The following TMEM132D variants were observed in gnomAD, a reference collection of about 807,000 sequenced individuals.
TMEM132D encodes the protein mature OL transmembrane protein.
TMEM132D carries 21 observed loss-of-function variants against 62.3 expected under a neutral mutation model. The ratio of observed to expected loss-of-function variants is 0.34; its 90% CI spans 0.24 to 0.49. The LOEUF (loss-of-function observed/expected upper bound fraction) is 0.49. Among genes scored for constraint, TMEM132D ranks in the 20% least tolerant of loss-of-function variants. The pLI, the probability that TMEM132D is intolerant of heterozygous loss-of-function variation, is 0.99. For missense variants in TMEM132D, 1,346 were observed against 1,402.8 expected (o/e 0.96, Z 0.65); for synonymous variants, 621 against 575.6 (o/e 1.08, Z -1.13).
At chr12:129,215,687 CTT>C (rs1879180959) in intron 4 of TMEM132D, among the ~76,000 whole-genome samples, 1 of 152,250 alleles carries the variant, frequency 6.6e-6, no homozygotes, top group Middle Eastern at 3.4e-3. Flanking sequence ...GGGACTCTCT[CTT>C]GGATTGTGCA....
chr12:129,845,875 C>T (rs1873346882), intron 1 of TMEM132D, among the ~76,000 whole-genome samples: 1 of 152,210 alleles, frequency 6.6e-6, no homozygotes, highest in Non-Finnish European at 1.5e-5. Context: ...CCCAGAGCAG[C>T]AACTCAGAGG....
intron 4 of TMEM132D, among the ~76,000 whole-genome samples, chr12:129,290,392 G>T (rs528960887): frequency 6.6e-6 from 1 of 152,002 alleles, no homozygotes; most frequent in African/African-American, 2.4e-5. Flanking sequence ...ACAGGTTATC[G>T]AAGCATAACC....
At chr12:129,328,977 G>C (rs922974877) in intron 4 of TMEM132D, among the ~76,000 whole-genome samples, 2 of 147,562 alleles carry the variant, frequency 1.4e-5, no homozygotes, top group South Asian at 2.1e-4. Context: ...TATATATAAA[G>C]AATTTATATA....
At chr12:129,272,133 T>C (rs941037137) in intron 4 of TMEM132D, among the ~76,000 whole-genome samples, 1 of 151,808 alleles carries the variant, frequency 6.6e-6, no homozygotes, top group Admixed American at 6.6e-5. Context: ...GATGCTACAA[T>C]GAGGAAAAGA....
At chr12:129,173,824 C>G (rs1386276525) in intron 5 of TMEM132D, among the ~76,000 whole-genome samples, 1 of 152,076 alleles carries the variant, frequency 6.6e-6, no homozygotes, top group Admixed American at 6.6e-5. Flanking sequence ...AACTTCTAGC[C>G]CACCCATCCC....
intron 1 of TMEM132D, among the ~76,000 whole-genome samples, chr12:129,889,162 G>A (rs115775847): frequency 0.016 from 2,374 of 152,290 alleles, 65 homozygotes; most frequent in African/African-American, 0.054. Context: ...CCTCACTTGA[G>A]CACCTGGATC....
At chr12:129,817,272 C>T (rs1177942125) in intron 1 of TMEM132D, among the ~76,000 whole-genome samples, 1 of 152,176 alleles carries the variant, frequency 6.6e-6, no homozygotes, top group Non-Finnish European at 1.5e-5. Context: ...TTTTCCGTAG[C>T]TGTGCAGATG....
chr12:129,444,649 C>A (rs879379188), intron 3 of TMEM132D, among the ~76,000 whole-genome samples: 3 of 152,098 alleles, frequency 2.0e-5, no homozygotes, highest in Admixed American at 2.0e-4. Flanking sequence ...TTGTGTTGTT[C>A]CCCTCTCTTT....
chr12:129,799,776 C>T (rs146731523), intron 1 of TMEM132D, among the ~76,000 whole-genome samples: 21 of 152,250 alleles, frequency 1.4e-4, no homozygotes, highest in Non-Finnish European at 2.1e-4. Flanking sequence ...CATGGAAGGG[C>T]GGAGGGAGAC....
chr12:129,203,309 G>A (rs1878759072), intron 5 of TMEM132D, among the ~76,000 whole-genome samples: 1 of 152,162 alleles, frequency 6.6e-6, no homozygotes, highest in Non-Finnish European at 1.5e-5. Flanking sequence ...CAGATTCTGG[G>A]GGTTCCCTAA....
At chr12:129,624,399 G>A (rs952111761) in intron 2 of TMEM132D, among the ~76,000 whole-genome samples, 2 of 152,238 alleles carry the variant, frequency 1.3e-5, no homozygotes, top group African/African-American at 4.8e-5. Context: ...TTTATGAAGA[G>A]CCAATTCAAA....
intron 3 of TMEM132D, among the ~76,000 whole-genome samples, chr12:129,347,664 A>G (rs1356379850): frequency 1.3e-5 from 2 of 152,164 alleles, no homozygotes; most frequent in Non-Finnish European, 2.9e-5. Context: ...AGACTTCATG[A>G]CTAAAACACC....
chr12:129,207,814 AC>A (rs1381753953), intron 5 of TMEM132D, among the ~76,000 whole-genome samples: 2 of 152,212 alleles, frequency 1.3e-5, no homozygotes, highest in East Asian at 3.8e-4. Flanking sequence ...TTTGGGGTCC[AC>A]GTGGCCATTT....
chr12:129,903,195 C>T lies in TMEM132D; in HGVS notation c.79+66G>A, dbSNP rs1593205541. On this transcript the variant is annotated intron_variant, in intron 1 of 8. Coordinates refer to ENST00000422113, the MANE Select transcript of TMEM132D (RefSeq NM_133448.3). This position sits in a 1 kb window ranked among gnomAD's most constrained non-coding sequence, Gnocchi z 6.2. Reference sequence around the variant, plus strand: ...CTCTCCCGGCCGCCCCCATCCTCCACACACTCCCACACACTCACTCCAGGC... The same window carrying T: ...CTCTCCCGGCCGCCCCCATCCTCCATACACTCCCACACACTCACTCCAGGC... 6.6e-7 allele frequency: 1 copy of T among 1,512,298 alleles called. No individual in the cohort carries two copies. The highest frequency in any genetic ancestry group is 2.5e-5 in the East Asian group (1 of 40,518). 93.7% of individuals were successfully genotyped at this position (1,512,298 alleles called of 1,614,324 possible). A position where few individuals can be genotyped will look rare whatever the true frequency, so the allele number is the denominator to read the frequency against.
At chr12:129,635,746 T>C in intron 2 of TMEM132D, among the ~76,000 whole-genome samples, 1 of 152,208 alleles carries the variant, frequency 6.6e-6, no homozygotes, top group South Asian at 2.1e-4. Context: ...AAAATATTTA[T>C]AGAGGTTTAT....
intron 4 of TMEM132D, among the ~76,000 whole-genome samples, chr12:129,233,377 G>A (rs1879695490): frequency 6.6e-6 from 1 of 152,062 alleles, no homozygotes; most frequent in African/African-American, 2.4e-5. Context: ...CTATATTCAA[G>A]CCCCTCAAAT....
chr12:129,712,047 C>T (rs1219410476), intron 1 of TMEM132D, among the ~76,000 whole-genome samples: 6 of 151,890 alleles, frequency 4.0e-5, no homozygotes, highest in Admixed American at 3.9e-4. Context: ...AGTAAATACC[C>T]TTGGCAGGGC....
intron 4 of TMEM132D, among the ~76,000 whole-genome samples, chr12:129,334,028 G>A (rs1313447700): frequency 1.3e-5 from 2 of 152,148 alleles, no homozygotes; most frequent in Non-Finnish European, 2.9e-5. Flanking sequence ...GGCTGAGGCA[G>A]GAGAATCGCT....
In TMEM132D at chr12:129,089,044, A is replaced by G. The variant is rs113720163; in HGVS notation, c.1444-4342T>C. ...TGACCGGGTGTCCTCCCTGACCGGG[A>G]TGTCCTCCATGACCGGGGTGTCCTC... On this transcript the variant is annotated intron_variant, in intron 5 of 8. Transcript: ENST00000422113. Among the ~76,000 whole-genome samples the G allele has an allele frequency of 1.1e-3, 18 of 16,350 alleles. 3 individuals carry two copies. Among genetic ancestry groups the G allele is most frequent in the African/African-American group, 3.2e-3 (5 of 1,576 alleles). The allele number at this position is 16,350 out of a possible 152,430, so 10.7% of individuals were successfully genotyped here. A position where few individuals can be genotyped will look rare whatever the true frequency, so the allele number is the denominator to read the frequency against.
Sources: allele counts gnomAD v4.1 joint callset (sites outside exome capture counted in the v4.1 genomes callset), GRCh38; gene constraint gnomAD v4.1.1; non-coding constraint Gnocchi (gnomAD v3.1); transcripts MANE v1.5; gene names NCBI Gene and HGNC (gene_info 2026-07-23, HGNC 2026-07-21).